The following LRRC74A variants were observed in gnomAD, a reference collection of about 807,000 sequenced individuals.
LRRC74A encodes leucine-rich repeat-containing protein 74A.
Under a neutral mutation model 57.9 loss-of-function variants are expected in LRRC74A, and 44 were observed. That is an observed-to-expected ratio of 0.76 (90% CI 0.60 to 0.98). LRRC74A has a LOEUF of 0.98. LRRC74A is among the 50% of genes least tolerant of loss of function. The probability of loss-of-function intolerance (pLI) is 0.00; values close to 1 mark genes in which losing one functional copy is unlikely to be tolerated. For synonymous variants in LRRC74A, 211 were observed against 219.4 expected, an observed-to-expected ratio of 0.96 and a Z score of 0.34; for missense variants, 572 against 574.0, an observed-to-expected ratio of 1.00 and a Z score of 0.04.
chr14:76,826,634 T>G lies in LRRC74A; in HGVS notation c.-64T>G. 1 of 1,610,216 alleles carries G rather than the reference T, an allele frequency of 6.2e-7. No homozygotes were observed. Among genetic ancestry groups the G allele is most frequent in the Non-Finnish European group, 8.5e-7 (1 of 1,178,404 alleles). On this transcript the variant is annotated 5_prime_UTR_variant, in exon 1 of 14. Coordinates refer to ENST00000689127, the MANE Select transcript of LRRC74A (RefSeq NM_001385106.1). ...ACAGAGGTGAATGGACAGGTGTGCT[T>G]CTTAGGGAAGCAGTCGAGAGGTGGC...
chr14:76,860,683 C>A lies in LRRC74A; in HGVS notation c.1054-10C>A. 1 of 1,601,544 alleles carries A rather than the reference C, an allele frequency of 6.2e-7. No homozygotes were observed. On this transcript the variant is annotated splice_polypyrimidine_tract_variant and intron_variant, in intron 10 of 13. Transcript: ENST00000689127. ...CTCATCATCATGGGTCCCCTCTCTC[C>A]CTGTCACAGAACGTGCTGGTGTCCG...
At chr14:76,845,496 T>C (rs775407317) in intron 7 of LRRC74A, among the ~76,000 whole-genome samples, 1 of 152,148 alleles carries the variant, frequency 6.6e-6, no homozygotes, top group Non-Finnish European at 1.5e-5. Context: ...TATGGCCCAG[T>C]AAGCATAAAC....
At chr14:76,850,861 A>AAAAAAAAAAAAAAAAAG (rs773711469) in intron 7 of LRRC74A, among the ~76,000 whole-genome samples, 5 of 96,524 alleles carry the variant, frequency 5.2e-5, no homozygotes, top group Non-Finnish European at 8.4e-5. Context: ...AAAAAAAAAA[A>AAAAAAAAAAAAAAAAAG]AAAGAAAGAA....
At chr14:76,860,229 C>A (rs1898196780) in intron 10 of LRRC74A, among the ~76,000 whole-genome samples, 1 of 152,172 alleles carries the variant, frequency 6.6e-6, no homozygotes, top group South Asian at 2.1e-4. Context: ...CTCCCATGTC[C>A]TACAAACCAG....
At chr14:76,867,877 G>A (rs559890613) in intron 13 of LRRC74A, among the ~76,000 whole-genome samples, 7 of 152,320 alleles carry the variant, frequency 4.6e-5, no homozygotes, top group East Asian at 1.9e-4. Context: ...GACAGAGGGC[G>A]GAGGCACACA....
intron 11 of LRRC74A, among the ~76,000 whole-genome samples, chr14:76,864,014 G>C (rs1898543198): frequency 6.6e-6 from 1 of 152,226 alleles, no homozygotes; most frequent in African/African-American, 2.4e-5. Context: ...CAGCTGCAAG[G>C]GGACTTGGGG....
chr14:76,867,280 G>A, intron 12 of LRRC74A, 76 bp from the exon 13 acceptor site: 2 of 444,226 alleles, frequency 4.5e-6, no homozygotes, highest in Admixed American at 2.9e-5. Context: ...TGGGGGGGTA[G>A]TGTGTTTGGG....
chr14:76,857,289 A>G, intron 9 of LRRC74A, 91 bp from the exon 10 acceptor site: 1 of 741,044 alleles, frequency 1.3e-6, no homozygotes, highest in Non-Finnish European at 2.4e-6. Flanking sequence ...TGTGAGACAG[A>G]GGTTGTGATT....
At chr14:76,843,850 G>T (rs1896941483) in intron 5 of LRRC74A, among the ~76,000 whole-genome samples, 1 of 149,602 alleles carries the variant, frequency 6.7e-6, no homozygotes, top group South Asian at 2.1e-4. Flanking sequence ...GACCACAGGT[G>T]TGCGCCATCA....
intron 11 of LRRC74A, among the ~76,000 whole-genome samples, chr14:76,863,463 C>A (rs1898490196): frequency 6.6e-6 from 1 of 152,206 alleles, no homozygotes; most frequent in African/African-American, 2.4e-5. Flanking sequence ...GAACACTTTT[C>A]TTCTTGCCCT....
chr14:76,868,892 C>T (rs1323868876), intron 13 of LRRC74A, among the ~76,000 whole-genome samples: 4 of 152,242 alleles, frequency 2.6e-5, no homozygotes, highest in African/African-American at 9.6e-5. Flanking sequence ...AGGAGATAAC[C>T]GCGGCACCTG....
At chr14:76,831,117 A>G in intron 2 of LRRC74A, 86 bp from the exon 3 acceptor site, 1 of 1,365,376 alleles carries the variant, frequency 7.3e-7, no homozygotes, top group South Asian at 1.3e-5. Context: ...AGGACAGTCT[A>G]GACATGAGTG....
chr14:76,866,154 A>C (rs948162044), intron 12 of LRRC74A, 79 bp downstream of exon 12: 1 of 1,119,582 alleles, frequency 8.9e-7, no homozygotes, highest in Non-Finnish European at 1.3e-6. Flanking sequence ...GGAGAGGAGG[A>C]GAAGGAGCAA....
intron 7 of LRRC74A, among the ~76,000 whole-genome samples, chr14:76,848,347 C>T (rs560426906): frequency 1.0e-4 from 15 of 149,224 alleles, no homozygotes; most frequent in Admixed American, 6.0e-4. Flanking sequence ...AAATAAAAGA[C>T]GAGATCCTGC....
At chr14:76,847,901 C>T (rs560340967) in intron 7 of LRRC74A, among the ~76,000 whole-genome samples, 1 of 152,166 alleles carries the variant, frequency 6.6e-6, no homozygotes, top group East Asian at 1.9e-4. Context: ...GGGCTGGGTA[C>T]AGTGTCTCAC....
In LRRC74A at chr14:76,870,269, G is replaced by A. The variant is rs1446375031; in HGVS notation, c.*120G>A. 12 of 1,136,726 alleles carry A rather than the reference G, an allele frequency of 1.1e-5. No individual in the cohort carries two copies. Among genetic ancestry groups the A allele is most frequent in the Non-Finnish European group, 1.4e-5 (11 of 777,244 alleles). The allele number at this position is 1,136,726 out of a possible 1,614,324, so 70.4% of individuals were successfully genotyped here. A position where few individuals can be genotyped will look rare whatever the true frequency, so the allele number is the denominator to read the frequency against. On this transcript the variant is annotated 3_prime_UTR_variant, in exon 14 of 14. Transcript: ENST00000689127. ...TGGACAGATGCTGTGGCAGGGGCTG[G>A]GCACAAGCAAATAAAGTCTGGCTTG...
chr14:76,844,961 G>A, intron 7 of LRRC74A, 60 bp downstream of exon 7: 1 of 827,802 alleles, frequency 1.2e-6, no homozygotes, highest in Non-Finnish European at 2.0e-6. Flanking sequence ...TCACTTGGCA[G>A]AGCGGAATCT....
intron 5 of LRRC74A, among the ~76,000 whole-genome samples, chr14:76,838,410 A>C (rs1242820220): frequency 2.0e-5 from 3 of 152,240 alleles, no homozygotes; most frequent in Non-Finnish European, 2.9e-5. Context: ...GATATTAAAG[A>C]CTGAACAAAT....
rs757084283 is a variant in LRRC74A at position 76,831,372 on chromosome 14, G to A, written c.336G>A (p.Leu112=). ...PRGTKAIAIA[L]VSNMAVTKLE... is the part of the protein sequence containing the mutation. Reference sequence around the variant, plus strand: ...GTACCAAGGCTATTGCTATAGCCCTGGTGGTGAGCATGCTAGTGGGAGCTC... The same window carrying A: ...GTACCAAGGCTATTGCTATAGCCCTAGTGGTGAGCATGCTAGTGGGAGCTC... Residue 112 remains leucine (L), a synonymous_variant, in exon 3 of 14, where the codon CTG becomes CTA. Coordinates refer to ENST00000689127, the MANE Select transcript of LRRC74A (RefSeq NM_001385106.1). 1 of 1,613,006 alleles carries A rather than the reference G, an allele frequency of 6.2e-7. No homozygotes were observed. The highest frequency in any genetic ancestry group is 1.1e-5 in the South Asian group (1 of 91,026).
Sources: allele counts gnomAD v4.1 joint callset (sites outside exome capture counted in the v4.1 genomes callset), GRCh38; gene constraint gnomAD v4.1.1; transcripts MANE v1.5; gene names NCBI Gene and HGNC (gene_info 2026-07-23, HGNC 2026-07-21).